Variants in PNPLA7 observed in about 807,000 individuals in gnomAD.
PNPLA7 encodes the protein patatin-like phospholipase domain-containing protein 7.
PNPLA7 carries 153 observed loss-of-function variants against 161.7 expected under a neutral mutation model. The observed-to-expected ratio is 0.95, with a 90% CI of 0.83 to 1.08. The LOEUF is 1.08. PNPLA7 is among the 50% of genes least tolerant of loss of function. The probability of loss-of-function intolerance (pLI) is 0.00; values close to 1 mark genes in which losing one functional copy is unlikely to be tolerated. For synonymous variants in PNPLA7, 809 were observed against 782.1 expected, an observed-to-expected ratio of 1.03 and a Z score of -0.57; for missense variants, 1,739 against 1,856.6, an observed-to-expected ratio of 0.94 and a Z score of 1.16.
At chr9:137,522,200 GA>G (rs1835038150) in intron 9 of PNPLA7, among the ~76,000 whole-genome samples, 1 of 151,712 alleles carries the variant, frequency 6.6e-6, no homozygotes, top group Non-Finnish European at 1.5e-5. Flanking sequence ...TCAGCCTCCC[GA>G]GTAGCTGGGA....
At chr9:137,536,407 G>A (rs935205865) in intron 8 of PNPLA7, among the ~76,000 whole-genome samples, 1 of 152,084 alleles carries the variant, frequency 6.6e-6, no homozygotes, top group African/African-American at 2.4e-5. Flanking sequence ...GACTGGGCAA[G>A]AGGATGGGGG....
intron 30 of PNPLA7, 154 bp from the exon 31 acceptor site, chr9:137,462,485 C>G: frequency 7.2e-7 from 1 of 1,392,932 alleles, no homozygotes; most frequent in Non-Finnish European, 9.5e-7. Context: ...GTCCTCCCTG[C>G]GGGCTGCCAC....
In PNPLA7 at chr9:137,495,072, C is replaced by G. The variant is rs760510189; in HGVS notation, c.2088G>C (p.Pro696=). Residue 696 remains proline, a synonymous_variant, in exon 19 of 35, where the codon CCG becomes CCC. Coordinates refer to ENST00000406427, the MANE Select transcript of PNPLA7 (RefSeq NM_001098537.3). ...GCTTGATGGACGTGAGGGCTCCTGC[C>G]GGCAGCTTGGCCAATTCTGAGTCCC... ...AVRDSELAKL[P]AGALTSIKRR... The G allele has an allele frequency of 1.9e-6, 3 of 1,610,394 alleles. No homozygotes were observed. The highest frequency in any genetic ancestry group is 1.7e-4 in the Middle Eastern group (1 of 6,058).
rs1382746365 is a variant in PNPLA7, at chr9:137,523,837, A to G, written c.748-980T>C. Reference sequence around the variant, plus strand: ...AGTAGAGACAGGGTTTCACTGTGTTAGCCAGGAGGGTCTCGATCTCCTGAC... The same window carrying G: ...AGTAGAGACAGGGTTTCACTGTGTTGGCCAGGAGGGTCTCGATCTCCTGAC... On this transcript the variant is annotated intron_variant, in intron 8 of 34. Transcript: ENST00000406427. This position sits in a 1 kb window ranked among gnomAD's most constrained non-coding sequence, Gnocchi z 4.4. Among the ~76,000 whole-genome samples, 1 of 151,988 alleles carries G rather than the reference A, an allele frequency of 6.6e-6. No individual in the cohort carries two copies. The highest frequency in any genetic ancestry group is 1.5e-5 in the Non-Finnish European group (1 of 67,992).
chr9:137,477,457 CTT>C (rs967509031), intron 25 of PNPLA7, among the ~76,000 whole-genome samples: 4 of 147,936 alleles, frequency 2.7e-5, no homozygotes, highest in African/African-American at 9.9e-5. Context: ...GCAACCGCTT[CTT>C]TTTTTTTTTG....
Position 137,541,427 on chromosome 9 carries a change from A to G in PNPLA7, c.667-705T>C, listed in dbSNP as rs73569743. The G allele has an allele frequency of 8.5e-4, 842 of 985,418 alleles. 4 individuals are homozygous for G. The African/African-American group carries it at 0.014, about 16-fold the overall frequency. The allele number at this position is 985,418 out of a possible 1,614,324, so 61.0% of individuals were successfully genotyped here. On this transcript the variant is annotated intron_variant, in intron 7 of 34. Coordinates refer to ENST00000406427, the MANE Select transcript of PNPLA7 (RefSeq NM_001098537.3). The surrounding 1 kb of genome is among the most constrained non-coding windows in gnomAD (Gnocchi z 4.4). ...GACAAAGCGACAAACCTGAGAACCA[A>G]ATAATTTGCCCAGCAGCGCTTTTGG... is the stretch of plus-strand genomic sequence containing the variant.
intron 8 of PNPLA7, among the ~76,000 whole-genome samples, chr9:137,535,512 T>C (rs1415897217): frequency 6.6e-6 from 1 of 152,166 alleles, no homozygotes; most frequent in Non-Finnish European, 1.5e-5. Flanking sequence ...CCCAGCACTT[T>C]GGGAGGCCGA....
intron 1 of PNPLA7, among the ~76,000 whole-genome samples, chr9:137,549,947 G>A (rs1488142467): frequency 6.6e-6 from 1 of 152,230 alleles, no homozygotes; most frequent in Non-Finnish European, 1.5e-5. Context: ...ATGCCCATGG[G>A]CCACCACTGG....
intron 11 of PNPLA7, 38 bp downstream of exon 11, chr9:137,519,879 T>C: frequency 6.3e-7 from 1 of 1,588,880 alleles, no homozygotes; most frequent in Non-Finnish European, 8.6e-7. Flanking sequence ...CCCCGGACTC[T>C]GGGGCTGGAC....
At position 137,497,288 on chromosome 9, in the gene PNPLA7, T is replaced by A; in HGVS notation, c.1912A>T (p.Thr638Ser). Residue 638 changes from threonine (T) to serine (S), a missense_variant, in exon 18 of 35, where the codon ACG (threonine) becomes TCG (serine). This residue lies in a region of PNPLA7 where 481 missense variants were observed against 450.0 expected (regional missense o/e 1.07). Transcript: ENST00000406427. Reference protein sequence around the residue: ...IYRQGDKSDCTYIMLSGRLRS... With the variant: ...IYRQGDKSDCSYIMLSGRLRS... Reference sequence around the variant, plus strand: ...AGCCGGCCGCTGAGCATGATGTACGTGCAGTCGGACTTGTCCCCCTGCCTG... The same window carrying A: ...AGCCGGCCGCTGAGCATGATGTACGAGCAGTCGGACTTGTCCCCCTGCCTG... The A allele has an allele frequency of 6.3e-7, 1 of 1,581,198 alleles. No individual in the cohort carries two copies. Among genetic ancestry groups the A allele is most frequent in the South Asian group, 1.2e-5 (1 of 86,234 alleles).
Position 137,500,735 on chromosome 9 carries a change from G to T in PNPLA7, c.1713C>A (p.Asn571Lys). ...AGATGGACAGGAAGCTGCAGTCCCT[G>T]TTGGCCTTGACGGTGAAGATGAGAG... ...GEPLIFTVKA[N>K]RDCSFLSISK... is the part of the protein sequence containing the mutation. The change falls in exon 16 of 35, where the codon AAC becomes AAA. Residue 571 changes from asparagine to lysine, a missense_variant. Physicochemically the swap from Asn to Lys is moderately conservative, Grantham distance 94. Around this residue, in one of 6 missense-constraint regions of PNPLA7, gnomAD observed 481 missense variants for 450.0 expected, o/e 1.07. Coordinates refer to ENST00000406427, the MANE Select transcript of PNPLA7 (RefSeq NM_001098537.3). The surrounding 1 kb of genome is among the most constrained non-coding windows in gnomAD (Gnocchi z 5.5). 1 of 1,612,562 alleles carries T rather than the reference G, an allele frequency of 6.2e-7. No homozygotes were observed. The highest frequency in any genetic ancestry group is 8.5e-7 in the Non-Finnish European group (1 of 1,179,894).
rs1831097598 is a variant in PNPLA7, at chr9:137,460,082, T to C, written c.*311A>G. 3.3e-6 allele frequency: 1 copy of C among 303,714 alleles called. No individual in the cohort carries two copies. The highest frequency in any genetic ancestry group is 3.3e-5 in the South Asian group (1 of 30,454). The allele number at this position is 303,714 out of a possible 1,614,324, so 18.8% of individuals were successfully genotyped here. A position where few individuals can be genotyped will look rare whatever the true frequency, so the allele number is the denominator to read the frequency against. ...TTTGGGGGCCTCACAGGGCAGCAGGTGGTTCACAGGGCTTCGGGGGGCCTC... is the reference window on the plus strand; with the variant it reads ...TTTGGGGGCCTCACAGGGCAGCAGGCGGTTCACAGGGCTTCGGGGGGCCTC... On this transcript the variant is annotated 3_prime_UTR_variant, in exon 35 of 35. Transcript: ENST00000406427.
At chr9:137,493,909 C>A (rs1832902571) in intron 19 of PNPLA7, among the ~76,000 whole-genome samples, 1 of 152,294 alleles carries the variant, frequency 6.6e-6, no homozygotes, top group South Asian at 2.1e-4. Flanking sequence ...AGCGCCAGGA[C>A]CTAGGATCTG....
rs777620121 is a variant in PNPLA7, at chr9:137,462,775, T to C, written c.3402A>G (p.Arg1134=). 3 of 1,613,562 alleles carry C rather than the reference T, an allele frequency of 1.9e-6. No individual in the cohort carries two copies. The highest frequency in any genetic ancestry group is 1.7e-6 in the Non-Finnish European group (2 of 1,179,906). Residue 1134 remains arginine, a synonymous_variant, in exon 30 of 35, where the codon CGA becomes CGG. Transcript: ENST00000406427. The stretch of plus-strand genomic sequence containing the variant: ...CATAGTTGGTGAGGTCCGTCTCATC[T>C]CGGCTGCCCACGTCAATGGCGATCA... The part of the protein sequence containing the change: ...KVVIAIDVGS[R]DETDLTNYGD...
Position 137,497,210 on chromosome 9 carries a change from C to T in PNPLA7, c.1990G>A (p.Gly664Ser), listed in dbSNP as rs369306700. The change falls in exon 18 of 35, where the codon GGC becomes AGC. Residue 664 changes from glycine to serine, a missense_variant. Gly to Ser is a moderately conservative substitution (Grantham distance 56). Around this residue, in one of 6 missense-constraint regions of PNPLA7, gnomAD observed 481 missense variants for 450.0 expected, o/e 1.07. Transcript: ENST00000406427. ...DGKKRLAGEY[G>S]RGDLVGVVET... is the part of the protein sequence containing the mutation. ...ACCACGCCGACGAGGTCTCCTCGGC[C>T]GTACTCCCCGGCCAGGCGCTTCTTC... 9 of 1,586,166 alleles carry T rather than the reference C, an allele frequency of 5.7e-6. No homozygotes were observed. The highest frequency in any genetic ancestry group is 1.8e-5 in the Admixed American group (1 of 56,774).
chr9:137,542,449 T>C (rs1836255454), intron 7 of PNPLA7, among the ~76,000 whole-genome samples, 193 bp downstream of exon 7: 1 of 152,082 alleles, frequency 6.6e-6, no homozygotes. Context: ...CCAGCCTGGG[T>C]GACAGAGTGA....
chr9:137,542,062 T>G (rs1836235078), intron 7 of PNPLA7, among the ~76,000 whole-genome samples: 1 of 152,240 alleles, frequency 6.6e-6, no homozygotes, highest in Admixed American at 6.5e-5. Context: ...ACAATTAATT[T>G]AATTTTGTTA....
At position 137,543,758 on chromosome 9, in the gene PNPLA7, T is replaced by G. The variant is rs1836341866; in HGVS notation, c.331A>C (p.Arg111=). 1 of 1,614,014 alleles carries G rather than the reference T, an allele frequency of 6.2e-7. No individual in the cohort carries two copies. Among genetic ancestry groups the G allele is most frequent in the Non-Finnish European group, 8.5e-7 (1 of 1,180,024 alleles). ...ENTALPRQRA[R]KRTKVLSLAK... Reference sequence around the variant, plus strand: ...AAAGACAGCACCTTGGTCCTCTTCCTGGCCCGCTGCCGGGGCAGGGCAGTG... The same window carrying G: ...AAAGACAGCACCTTGGTCCTCTTCCGGGCCCGCTGCCGGGGCAGGGCAGTG... Residue 111 remains arginine, a synonymous_variant, in exon 5 of 35, where the codon AGG becomes CGG. Coordinates refer to ENST00000406427, the MANE Select transcript of PNPLA7 (RefSeq NM_001098537.3). The surrounding 1 kb of genome is among the most constrained non-coding windows in gnomAD (Gnocchi z 6.9).
Position 137,522,584 on chromosome 9 carries a change from T to G in PNPLA7, c.876+145A>C, listed in dbSNP as rs1189954769. 4.4e-6 allele frequency: 4 copies of G among 900,088 alleles called. No homozygotes were observed. The East Asian group carries it at 1.0e-4, about 22-fold the overall frequency. The allele number at this position is 900,088 out of a possible 1,614,324, so 55.8% of individuals were successfully genotyped here. On this transcript the variant is annotated intron_variant, in intron 9 of 34. Transcript: ENST00000406427. ...CCCGCCAATGAAGTTGATTTCTCTA[T>G]TCCTCTGAAATCACCTTCATGGCTG...
Sources: allele counts gnomAD v4.1 joint callset (sites outside exome capture counted in the v4.1 genomes callset), GRCh38; gene constraint gnomAD v4.1.1; regional missense constraint gnomAD v4.1.1; non-coding constraint Gnocchi (gnomAD v3.1); transcripts MANE v1.5; gene names NCBI Gene and HGNC (gene_info 2026-07-23, HGNC 2026-07-21).